Variants in HS6ST2 observed in about 807,000 individuals in gnomAD.
HS6ST2 encodes the protein heparan-sulfate 6-O-sulfotransferase 2.
Under a neutral mutation model 33.0 loss-of-function variants are expected in HS6ST2, and 17 were observed. That is an observed-to-expected ratio of 0.52 (90% confidence interval 0.35 to 0.77). HS6ST2 has a LOEUF of 0.77. HS6ST2 is among the 30% of genes least tolerant of loss of function. HS6ST2 has a pLI of 0.01. For synonymous variants in HS6ST2, 248 were observed against 237.1 expected, an observed-to-expected ratio of 1.05 and a Z score of -0.42; for missense variants, 519 against 551.7, an observed-to-expected ratio of 0.94 and a Z score of 0.59.
intron 2 of HS6ST2, among the ~76,000 whole-genome samples, chrX:132,773,318 G>C (rs1048666398): frequency 1.9e-5 from 2 of 107,559 alleles, no homozygotes; most frequent in African/African-American, 6.7e-5. Flanking sequence ...AAAAAGACCA[G>C]GAATAACCAG....
intron 2 of HS6ST2, among the ~76,000 whole-genome samples, chrX:132,806,998 G>A (rs1289096410): frequency 9.1e-6 from 1 of 110,488 alleles, no homozygotes; most frequent in Non-Finnish European, 1.9e-5. Flanking sequence ...TGAGGACATT[G>A]AGACACAAGA....
intron 2 of HS6ST2, among the ~76,000 whole-genome samples, chrX:132,778,444 G>A (rs2082368361): frequency 9.0e-6 from 1 of 111,368 alleles, no homozygotes; most frequent in Admixed American, 9.6e-5. Context: ...CTGTTGCACA[G>A]GCTGGAGTGC....
chrX:132,683,449 G>A (rs1409668994), intron 3 of HS6ST2, among the ~76,000 whole-genome samples: 4 of 111,879 alleles, frequency 3.6e-5, no homozygotes, highest in Non-Finnish European at 7.5e-5. Flanking sequence ...ATCCTGTCAA[G>A]TGATGGTCAC....
chrX:132,736,147 C>T (rs1257273782), intron 2 of HS6ST2, among the ~76,000 whole-genome samples: 1 of 111,591 alleles, frequency 9.0e-6, no homozygotes, highest in Non-Finnish European at 1.9e-5. Flanking sequence ...GCCCGGACAA[C>T]TGCAACTGTG....
intron 2 of HS6ST2, 111 bp from the exon 3 acceptor site, chrX:132,708,605 A>C: frequency 1.5e-6 from 1 of 666,700 alleles, no homozygotes; most frequent in Non-Finnish European, 2.3e-6. Flanking sequence ...AGCTTCCCAA[A>C]CCTTAGGGAA....
At chrX:132,850,341 C>A (rs1291000199) in intron 2 of HS6ST2, among the ~76,000 whole-genome samples, 1 of 111,509 alleles carries the variant, frequency 9.0e-6, no homozygotes, top group Non-Finnish European at 1.9e-5. Context: ...TGGTCTCTGG[C>A]CACCAGATGA....
At chrX:132,802,200 G>T (rs763132666) in intron 2 of HS6ST2, among the ~76,000 whole-genome samples, 9 of 112,303 alleles carry the variant, frequency 8.0e-5, no homozygotes, top group Admixed American at 1.9e-4. Context: ...ATGTTGCTTA[G>T]CTCACGGAAG....
rs62599004 is a variant in HS6ST2 at position 132,679,886 on chromosome X, C to T, written c.981-10687G>A. ...AGACGAGAAATATGGCTCTGTTCCA[C>T]CTGGCTCACCAGCGGTCAGAGTTTA... On this transcript the variant is annotated intron_variant, in intron 3 of 4. Coordinates refer to ENST00000370833, the MANE Select transcript of HS6ST2 (RefSeq NM_001394073.1). Among the ~76,000 whole-genome samples the T allele has an allele frequency of 5.4e-3, 588 of 109,757 alleles. 1 individual carries two copies. The highest frequency in any genetic ancestry group is 8.7e-3 in the Non-Finnish European group (456 of 52,712).
intron 4 of HS6ST2, among the ~76,000 whole-genome samples, chrX:132,663,676 A>G (rs2063790051): frequency 1.8e-5 from 2 of 112,806 alleles, no homozygotes; most frequent in Non-Finnish European, 3.7e-5. Flanking sequence ...ATAAAACTAC[A>G]GCAATTACTG....
intron 2 of HS6ST2, among the ~76,000 whole-genome samples, chrX:132,897,959 G>C (rs1248488720): frequency 9.0e-6 from 1 of 111,546 alleles, no homozygotes; most frequent in Non-Finnish European, 1.9e-5. Flanking sequence ...CTGGTCCATG[G>C]CTTGTTAGGA....
chrX:132,843,352 G>A (rs759568759), intron 2 of HS6ST2, among the ~76,000 whole-genome samples: 11 of 111,865 alleles, frequency 9.8e-5, no homozygotes, highest in Non-Finnish European at 1.9e-4. Context: ...TGTTCATTCT[G>A]AAAGCATCAA....
intron 2 of HS6ST2, among the ~76,000 whole-genome samples, chrX:132,908,979 A>T (rs1461706543): frequency 7.8e-5 from 8 of 102,421 alleles, no homozygotes; most frequent in Non-Finnish European, 1.6e-4. Flanking sequence ...AGACCCATTG[A>T]AGAACTCCAC....
chrX:132,761,324 G>A, intron 2 of HS6ST2, among the ~76,000 whole-genome samples: 1 of 111,845 alleles, frequency 8.9e-6, no homozygotes, highest in Non-Finnish European at 1.9e-5. Flanking sequence ...ACTGAAAAGG[G>A]TCCTGGGAAG....
Position 132,958,253 on chromosome X carries a change from C to T in HS6ST2, c.350G>A (p.Arg117Gln). ...CGAGTGGCCCAGGGCGGCCAGGCCC[C>T]GAGTGAGCAGGGCCCGGCAGAGGGA... ...LGSLCRALLTRGLAALGHSLK... is the reference protein window; with the variant it reads ...LGSLCRALLTQGLAALGHSLK... The change falls in exon 1 of 5, where the codon CGG becomes CAG. Residue 117 changes from arginine (R) to glutamine (Q), a missense_variant. Arg to Gln is a conservative substitution (Grantham distance 43). Coordinates refer to ENST00000370833, the MANE Select transcript of HS6ST2 (RefSeq NM_001394073.1). The T allele has an allele frequency of 4.2e-6, 5 of 1,187,706 alleles. No individual in the cohort carries two copies. Among genetic ancestry groups the T allele is most frequent in the Non-Finnish European group, 5.6e-6 (5 of 888,789 alleles).
intron 2 of HS6ST2, among the ~76,000 whole-genome samples, chrX:132,764,441 T>C: frequency 8.9e-6 from 1 of 112,400 alleles, no homozygotes; most frequent in Non-Finnish European, 1.9e-5. Context: ...AGACGATTCC[T>C]AAAATCCCTT....
chrX:132,827,077 T>A (rs2065529063), intron 2 of HS6ST2, among the ~76,000 whole-genome samples: 1 of 111,354 alleles, frequency 9.0e-6, no homozygotes, highest in African/African-American at 3.3e-5. Flanking sequence ...GTTGGATAAT[T>A]ATATTGATTT....
intron 2 of HS6ST2, among the ~76,000 whole-genome samples, chrX:132,906,365 T>G (rs1168308738): frequency 1.8e-5 from 2 of 112,703 alleles, no homozygotes; most frequent in Non-Finnish European, 3.7e-5. Context: ...TCCAACTTCT[T>G]AAACATTGTT....
At chrX:132,860,777 C>CTTTTTTTTTTTTTTTTTTTT (rs58059164) in intron 2 of HS6ST2, among the ~76,000 whole-genome samples, 2 of 52,896 alleles carry the variant, frequency 3.8e-5, no homozygotes, top group Non-Finnish European at 3.2e-5. Flanking sequence ...GCATGTGTAT[C>CTTTTTTTTTTTTTTTTTTTT]TTTTTTTTTT....
chrX:132,763,325 G>A (rs2064818941), intron 2 of HS6ST2, among the ~76,000 whole-genome samples: 1 of 112,761 alleles, frequency 8.9e-6, no homozygotes, highest in Non-Finnish European at 1.9e-5. Context: ...TAACGCATGT[G>A]AAAGTACTTT....
Sources: gnomAD v4.1 joint callset for allele counts (sites outside exome capture counted in the v4.1 genomes callset) on GRCh38, gnomAD v4.1.1 for gene constraint, MANE v1.5 for transcripts, NCBI Gene and HGNC (gene_info 2026-07-23, HGNC 2026-07-21) for gene names.